The following TMEM132D variants were observed in gnomAD, a reference collection of about 807,000 sequenced individuals.
TMEM132D encodes the protein mature OL transmembrane protein.
TMEM132D carries 21 observed loss-of-function variants against 62.3 expected under a neutral mutation model. The ratio of observed to expected loss-of-function variants is 0.34; its 90% confidence interval spans 0.24 to 0.49. The LOEUF is 0.49. Ranked by LOEUF, TMEM132D falls within the 20% of genes least tolerant of loss-of-function variation. The probability of loss-of-function intolerance (pLI) is 0.99; values close to 1 mark genes in which losing one functional copy is unlikely to be tolerated. For synonymous variants in TMEM132D, 621 were observed against 575.6 expected (o/e 1.08, Z -1.13); for missense variants, 1,346 against 1,402.8 (o/e 0.96, Z 0.65).
chr12:129,266,941 A>G (rs1268331572), intron 4 of TMEM132D, among the ~76,000 whole-genome samples: 2 of 152,026 alleles, frequency 1.3e-5, no homozygotes, highest in Admixed American at 6.6e-5. Context: ...TCTGTTTTTT[A>G]CCCAGCACCA....
chr12:129,219,945 C>T (rs1414839040), intron 4 of TMEM132D, among the ~76,000 whole-genome samples: 2 of 152,150 alleles, frequency 1.3e-5, no homozygotes, highest in Non-Finnish European at 2.9e-5. Context: ...CATTCTTACT[C>T]TCTTCCTGGT....
intron 1 of TMEM132D, among the ~76,000 whole-genome samples, chr12:129,834,678 A>G (rs1593180606): frequency 1.3e-5 from 2 of 152,274 alleles, no homozygotes; most frequent in Admixed American, 6.5e-5. Context: ...TGATGAAGGC[A>G]TCAGGCGGCA....
chr12:129,677,428 T>A (rs1170685250), intron 2 of TMEM132D, among the ~76,000 whole-genome samples: 2 of 152,158 alleles, frequency 1.3e-5, no homozygotes, highest in African/African-American at 4.8e-5. Context: ...CTCTTCTAAA[T>A]TGCCTAGTCT....
intron 1 of TMEM132D, among the ~76,000 whole-genome samples, chr12:129,768,381 A>G (rs1870623715): frequency 6.6e-6 from 1 of 152,036 alleles, no homozygotes; most frequent in African/African-American, 2.4e-5. Context: ...TTTTCTTGAC[A>G]GTGGCCATCG....
chr12:129,272,791 C>T (rs12297199), intron 4 of TMEM132D, among the ~76,000 whole-genome samples: 1,819 of 151,720 alleles, frequency 0.012, 72 homozygotes, highest in African/African-American at 0.042. Flanking sequence ...CCAGGCACGG[C>T]GGCTCACGCC....
intron 2 of TMEM132D, among the ~76,000 whole-genome samples, chr12:129,557,019 CT>C (rs1474260090): frequency 6.6e-6 from 1 of 152,132 alleles, no homozygotes; most frequent in Non-Finnish European, 1.5e-5. Context: ...CTGTTATATC[CT>C]TCTTTTAAAA....
At chr12:129,447,374 A>G (rs776258677) in intron 3 of TMEM132D, among the ~76,000 whole-genome samples, 11 of 152,202 alleles carry the variant, frequency 7.2e-5, no homozygotes, top group Non-Finnish European at 1.3e-4. Flanking sequence ...AAGCATTATT[A>G]CACTACTGTT....
chr12:129,780,356 G>A (rs562511937), intron 1 of TMEM132D, among the ~76,000 whole-genome samples: 1 of 151,896 alleles, frequency 6.6e-6, no homozygotes, highest in Admixed American at 6.6e-5. Context: ...GGGCCGGGGG[G>A]GCACAAAATG....
At position 129,108,324 on chromosome 12, in the gene TMEM132D, GT is replaced by G. The variant is rs563382823; in HGVS notation, c.1444-23623del. On this transcript the variant is annotated intron_variant, in intron 5 of 8. Transcript: ENST00000422113. The stretch of plus-strand genomic sequence containing the variant: ...GTGGCACCTAGAAAACTTCCTGAAA[GT>G]TTTATTTTCCTCCTGATTTTGGCAG... 7.2e-5 allele frequency among the ~76,000 whole-genome samples: 11 copies of G among 152,276 alleles called. No homozygotes were observed. The South Asian group carries it at 2.3e-3, about 32-fold the overall frequency.
chr12:129,411,020 G>A (rs867905546), intron 3 of TMEM132D, among the ~76,000 whole-genome samples: 9 of 152,090 alleles, frequency 5.9e-5, no homozygotes, highest in African/African-American at 2.2e-4. Flanking sequence ...TTTAAGTGGG[G>A]TCTTGTTAAC....
At chr12:129,623,437 C>A (rs998129118) in intron 2 of TMEM132D, among the ~76,000 whole-genome samples, 1 of 151,970 alleles carries the variant, frequency 6.6e-6, no homozygotes, top group Non-Finnish European at 1.5e-5. Flanking sequence ...TCCACCCTCC[C>A]CTCTTCTGAG....
At chr12:129,836,545 TGAGA>T (rs772915856) in intron 1 of TMEM132D, among the ~76,000 whole-genome samples, 8 of 152,118 alleles carry the variant, frequency 5.3e-5, no homozygotes, top group African/African-American at 1.4e-4. Context: ...CCCCGAATAC[TGAGA>T]GAATGTCATA....
chr12:129,658,585 G>A (rs759433250), intron 2 of TMEM132D, among the ~76,000 whole-genome samples: 40 of 152,106 alleles, frequency 2.6e-4, no homozygotes, highest in Non-Finnish European at 2.6e-4. Flanking sequence ...AACTTGGGGT[G>A]GCCTCAGAAA....
At chr12:129,391,713 AT>A (rs2135694333) in intron 3 of TMEM132D, among the ~76,000 whole-genome samples, 1 of 152,272 alleles carries the variant, frequency 6.6e-6, no homozygotes, top group African/African-American at 2.4e-5. Flanking sequence ...ACTCCAAGAG[AT>A]TTTGATTAAA....
intron 1 of TMEM132D, among the ~76,000 whole-genome samples, chr12:129,801,257 C>G (rs1871770284): frequency 6.6e-6 from 1 of 152,216 alleles, no homozygotes; most frequent in African/African-American, 2.4e-5. Flanking sequence ...GGCTCCACCT[C>G]TGGGGGCAGG....
At chr12:129,433,035 T>C (rs1490434502) in intron 3 of TMEM132D, among the ~76,000 whole-genome samples, 3 of 152,220 alleles carry the variant, frequency 2.0e-5, no homozygotes, top group African/African-American at 7.2e-5. Flanking sequence ...GTGTACACTT[T>C]TGTATTTCGC....
chr12:129,482,940 T>G (rs1441072891), intron 3 of TMEM132D, among the ~76,000 whole-genome samples: 1 of 117,808 alleles, frequency 8.5e-6, no homozygotes, highest in Non-Finnish European at 1.7e-5. Context: ...GAGAACATAT[T>G]TAATCTGTGT....
intron 3 of TMEM132D, among the ~76,000 whole-genome samples, chr12:129,528,665 A>T (rs1369719565): frequency 6.6e-6 from 1 of 152,236 alleles, no homozygotes; most frequent in Admixed American, 6.5e-5. Context: ...AAGCATACAG[A>T]AAACCACTAA....
rs543061768 is a variant in TMEM132D, at chr12:129,408,569, T to C, written c.1116-70752A>G. 8.7e-4 allele frequency among the ~76,000 whole-genome samples: 132 copies of C among 152,238 alleles called. 5 individuals are homozygous for C. In the South Asian group the frequency reaches 0.027, roughly 31 times the overall value. On this transcript the variant is annotated intron_variant, in intron 3 of 8. Coordinates refer to ENST00000422113, the MANE Select transcript of TMEM132D (RefSeq NM_133448.3). ...AAAAGTTTTTCTTGAGGTTATTCTT[T>C]GGTAGTTTAAATTTTTACACAAGGC...
Sources: allele counts gnomAD v4.1 joint callset (sites outside exome capture counted in the v4.1 genomes callset), GRCh38; gene constraint gnomAD v4.1.1; transcripts MANE v1.5; gene names NCBI Gene and HGNC (gene_info 2026-07-23, HGNC 2026-07-21).